Variants in GRXCR1 observed in about 807,000 individuals in gnomAD.
The protein encoded by GRXCR1 is glutaredoxin domain-containing cysteine-rich protein 1.
Under a neutral mutation model 27.3 loss-of-function variants are expected in GRXCR1, and 27 were observed. That is an observed-to-expected ratio of 0.99 (90% CI 0.73 to 1.37). GRXCR1 has a LOEUF of 1.37. Ranked by LOEUF, GRXCR1 falls within the 40% of genes most tolerant of loss-of-function variation. The pLI, the probability that GRXCR1 is intolerant of heterozygous loss-of-function variation, is 0.00. For missense variants in GRXCR1, 379 were observed against 354.4 expected (o/e 1.07, Z -0.56); for synonymous variants, 122 against 131.1 (o/e 0.93, Z 0.47).
At chr4:42,954,393 T>C (rs942133926) in intron 1 of GRXCR1, among the ~76,000 whole-genome samples, 1 of 152,116 alleles carries the variant, frequency 6.6e-6, no homozygotes, top group African/African-American at 2.4e-5. Flanking sequence ...CCTTTGGTCA[T>C]TGTATTTAAG....
intron 2 of GRXCR1, among the ~76,000 whole-genome samples, chr4:43,006,879 C>T (rs564532305): frequency 7.2e-5 from 11 of 152,048 alleles, no homozygotes; most frequent in Non-Finnish European, 1.5e-4. Context: ...CCCCGGACAC[C>T]CAGCTTTAAA....
At chr4:43,021,819 T>G (rs1189845821) in intron 3 of GRXCR1, among the ~76,000 whole-genome samples, 1 of 152,180 alleles carries the variant, frequency 6.6e-6, no homozygotes, top group African/African-American at 2.4e-5. Flanking sequence ...GTAAATTTGT[T>G]TTTGTAAAAT....
chr4:43,005,452 A>ACTTTTTTT (rs1296974716), intron 2 of GRXCR1, among the ~76,000 whole-genome samples: 1 of 152,070 alleles, frequency 6.6e-6, no homozygotes, highest in Non-Finnish European at 1.5e-5. Flanking sequence ...TTCTATGCTC[A>ACTTTTTTT]CTTTTTTTGT....
intron 3 of GRXCR1, among the ~76,000 whole-genome samples, chr4:43,025,729 C>T (rs1483285256): frequency 4.6e-5 from 7 of 152,208 alleles, no homozygotes; most frequent in Non-Finnish European, 1.0e-4. Flanking sequence ...GTAATCCCAG[C>T]ACTTTGGGAG....
chr4:42,912,332 G>A (rs192775493), intron 1 of GRXCR1, among the ~76,000 whole-genome samples: 2 of 152,200 alleles, frequency 1.3e-5, no homozygotes, highest in East Asian at 3.9e-4. Context: ...GTATTGAAAA[G>A]GACCTGAAGA....
At chr4:42,943,636 A>G (rs1747675137) in intron 1 of GRXCR1, among the ~76,000 whole-genome samples, 1 of 152,064 alleles carries the variant, frequency 6.6e-6, no homozygotes, top group South Asian at 2.1e-4. Context: ...AACAACAACA[A>G]CAGCAATGAC....
chr4:42,998,077 G>A (rs1712234311), intron 2 of GRXCR1, among the ~76,000 whole-genome samples: 1 of 152,138 alleles, frequency 6.6e-6, no homozygotes, highest in Admixed American at 6.5e-5. Flanking sequence ...TGAGGTAAAT[G>A]CAATTATTAC....
At chr4:42,998,427 C>A (rs1712244621) in intron 2 of GRXCR1, among the ~76,000 whole-genome samples, 1 of 152,270 alleles carries the variant, frequency 6.6e-6, no homozygotes, top group East Asian at 1.9e-4. Flanking sequence ...AGTATAAATA[C>A]TACCTCCACA....
chr4:42,998,944 G>A (rs1712262973), intron 2 of GRXCR1, among the ~76,000 whole-genome samples: 1 of 152,130 alleles, frequency 6.6e-6, no homozygotes, highest in Non-Finnish European at 1.5e-5. Flanking sequence ...TTGATGTCCG[G>A]TACCTATATT....
At chr4:42,987,277 T>TAGAGAGAGAGAG (rs1181869530) in intron 2 of GRXCR1, among the ~76,000 whole-genome samples, 5 of 104,242 alleles carry the variant, frequency 4.8e-5, no homozygotes, top group African/African-American at 1.5e-4. Flanking sequence ...TATATATATA[T>TAGAGAGAGAGAG]AGAGAGAGAG....
Position 43,020,379 on chromosome 4 carries a change from A to C in GRXCR1, c.653A>C (p.Asn218Thr). ...LGGAEKILSM[N>T]ESGELQDILT... ...GGTGCTGAGAAAATTTTGTCAATGAATGAATCAGGAGAACTGCAAGACATC... is the reference window on the plus strand; with the variant it reads ...GGTGCTGAGAAAATTTTGTCAATGACTGAATCAGGAGAACTGCAAGACATC... The change falls in exon 3 of 4, where the codon AAT becomes ACT. Residue 218 changes from asparagine (N) to threonine (T), a missense_variant. Physicochemically the swap from Asn to Thr is moderately conservative, Grantham distance 65. Coordinates refer to ENST00000399770, the MANE Select transcript of GRXCR1 (RefSeq NM_001080476.3). The C allele has an allele frequency of 6.2e-7, 1 of 1,612,262 alleles. No homozygotes were observed. Among genetic ancestry groups the C allele is most frequent in the Non-Finnish European group, 8.5e-7 (1 of 1,178,376 alleles).
intron 2 of GRXCR1, among the ~76,000 whole-genome samples, chr4:43,019,372 C>T (rs531471055): frequency 6.6e-6 from 1 of 152,140 alleles, no homozygotes; most frequent in Admixed American, 6.5e-5. Context: ...TGCTTGGCAC[C>T]CTGCTTAGCA....
intron 2 of GRXCR1, among the ~76,000 whole-genome samples, chr4:43,002,522 G>A (rs943994873): frequency 2.6e-5 from 4 of 151,944 alleles, no homozygotes; most frequent in African/African-American, 9.7e-5. Flanking sequence ...GGGCAAAGTG[G>A]CTGGTACAAA....
chr4:42,902,416 T>C (rs1746481101), intron 1 of GRXCR1, among the ~76,000 whole-genome samples: 1 of 152,184 alleles, frequency 6.6e-6, no homozygotes, highest in Non-Finnish European at 1.5e-5. Flanking sequence ...TTGCTGAGGA[T>C]AATGGCTTCC....
At chr4:42,960,492 T>C (rs944102359) in intron 1 of GRXCR1, among the ~76,000 whole-genome samples, 10 of 151,924 alleles carry the variant, frequency 6.6e-5, no homozygotes, top group African/African-American at 2.4e-4. Context: ...AATCAAAACA[T>C]AGTAATAATT....
chr4:42,997,660 C>G (rs1712218108), intron 2 of GRXCR1, among the ~76,000 whole-genome samples: 1 of 152,196 alleles, frequency 6.6e-6, no homozygotes, highest in South Asian at 2.1e-4. Flanking sequence ...TGCGCCATCT[C>G]CCTGATCACC....
At chr4:42,966,100 G>T (rs994106190) in intron 2 of GRXCR1, among the ~76,000 whole-genome samples, 2 of 152,016 alleles carry the variant, frequency 1.3e-5, no homozygotes, top group Admixed American at 6.6e-5. Context: ...ACTCCACAGT[G>T]GGGGGCAGGG....
chr4:42,958,663 T>A (rs530020252), intron 1 of GRXCR1, among the ~76,000 whole-genome samples: 1 of 152,088 alleles, frequency 6.6e-6, no homozygotes, highest in South Asian at 2.1e-4. Flanking sequence ...GAGCCATATA[T>A]AGATAAGGGG....
intron 1 of GRXCR1, among the ~76,000 whole-genome samples, chr4:42,950,314 A>G (rs1370350190): frequency 6.6e-6 from 1 of 152,142 alleles, no homozygotes; most frequent in Admixed American, 6.5e-5. Flanking sequence ...AATAAGAGGA[A>G]AAATATTTTA....
Sources: gnomAD v4.1 joint callset for allele counts (sites outside exome capture counted in the v4.1 genomes callset) on GRCh38, gnomAD v4.1.1 for gene constraint, MANE v1.5 for transcripts, NCBI Gene and HGNC (gene_info 2026-07-23, HGNC 2026-07-21) for gene names.